MTMR12: variants seen among roughly 807,000 people sequenced by gnomAD.
MTMR12 encodes myotubularin related protein 12.
In MTMR12, 33 loss-of-function variants were observed where a neutral mutation model predicts 96.7. The observed-to-expected ratio is 0.34, with a 90% CI of 0.26 to 0.46. The LOEUF is 0.46. Among genes scored for constraint, MTMR12 ranks in the 20% least tolerant of loss-of-function variants. The probability of loss-of-function intolerance (pLI) is 1.00; values close to 1 mark genes in which losing one functional copy is unlikely to be tolerated. For missense variants in MTMR12, 721 were observed against 896.1 expected (o/e 0.80, Z 2.49); for synonymous variants, 298 against 327.2 (o/e 0.91, Z 0.96).
chr5:32,294,799 T>C (rs1348293911), intron 1 of MTMR12, among the ~76,000 whole-genome samples: 8 of 152,180 alleles, frequency 5.3e-5, no homozygotes, highest in African/African-American at 1.9e-4. Context: ...ATAGAGACAA[T>C]AATTCTTGAT....
At chr5:32,247,162 C>T (rs139799979) in intron 10 of MTMR12, among the ~76,000 whole-genome samples, 1,657 of 152,190 alleles carry the variant, frequency 0.011, 13 homozygotes, top group Middle Eastern at 0.024. Context: ...TCAGTCTGGG[C>T]AACATGATGG....
intron 1 of MTMR12, among the ~76,000 whole-genome samples, chr5:32,311,310 C>A (rs1751587444): frequency 6.6e-6 from 1 of 152,158 alleles, no homozygotes; most frequent in Admixed American, 6.5e-5. Flanking sequence ...TTAAGATGAC[C>A]CTGACTCCAC....
At chr5:32,289,696 C>T (rs1342105897) in intron 1 of MTMR12, among the ~76,000 whole-genome samples, 18 of 152,140 alleles carry the variant, frequency 1.2e-4, no homozygotes. Context: ...CCAGACTCAT[C>T]CTGTTATTTC....
At position 32,310,639 on chromosome 5, in the gene MTMR12, A is replaced by C. The variant is rs1214839352; in HGVS notation, c.81+2119T>G. On this transcript the variant is annotated intron_variant, in intron 1 of 15. Transcript: ENST00000382142. ...TGGAGACAGAATGATGGTTACCAAA[A>C]GCTGGGAAGGGTAGCAGGGGAAAGG... Among the ~76,000 whole-genome samples, 3 of 152,230 alleles carry C rather than the reference A, an allele frequency of 2.0e-5. No homozygotes were observed. The East Asian group carries it at 5.8e-4, about 29-fold the overall frequency.
chr5:32,258,052 A>C (rs773360781), intron 7 of MTMR12, among the ~76,000 whole-genome samples: 1 of 151,990 alleles, frequency 6.6e-6, no homozygotes, highest in Non-Finnish European at 1.5e-5. Flanking sequence ...GCTTGAGCCC[A>C]GGGGGTAGAG....
chr5:32,245,962 G>A (rs1748663220), intron 10 of MTMR12, among the ~76,000 whole-genome samples: 1 of 152,170 alleles, frequency 6.6e-6, no homozygotes, highest in Non-Finnish European at 1.5e-5. Context: ...TGCCCTGGCT[G>A]GACCACTTCC....
At chr5:32,275,404 C>G (rs1750011111) in intron 2 of MTMR12, among the ~76,000 whole-genome samples, 1 of 152,180 alleles carries the variant, frequency 6.6e-6, no homozygotes, top group Admixed American at 6.5e-5. Context: ...CCTCCCAATA[C>G]TTTTAATGGT....
chr5:32,268,634 C>A, intron 6 of MTMR12, 67 bp downstream of exon 6: 2 of 1,329,416 alleles, frequency 1.5e-6, no homozygotes, highest in Non-Finnish European at 2.2e-6. Context: ...TGTTCTCCCC[C>A]ACTGGCTTCA....
chr5:32,274,174 A>C (rs1187537323), intron 2 of MTMR12, 52 bp from the exon 3 acceptor site: 4 of 1,588,400 alleles, frequency 2.5e-6, no homozygotes, highest in Non-Finnish European at 2.6e-6. Context: ...AACATACGAT[A>C]TGCAAACACT....
At chr5:32,234,136 T>C (rs991699404) in intron 14 of MTMR12, among the ~76,000 whole-genome samples, 8 of 152,180 alleles carry the variant, frequency 5.3e-5, no homozygotes, top group African/African-American at 1.9e-4. Flanking sequence ...GGACACTTCC[T>C]TTCCAGCAGT....
At chr5:32,237,642 C>T (rs371992892) in intron 13 of MTMR12, among the ~76,000 whole-genome samples, 3 of 152,136 alleles carry the variant, frequency 2.0e-5, no homozygotes, top group African/African-American at 7.2e-5. Context: ...TCCCAAGTAG[C>T]TGGGACTACA....
intron 7 of MTMR12, among the ~76,000 whole-genome samples, chr5:32,257,261 A>T (rs1749176111): frequency 6.6e-6 from 1 of 152,200 alleles, no homozygotes; most frequent in South Asian, 2.1e-4. Context: ...TCAAGGCTGC[A>T]ATGAGCCATC....
At chr5:32,280,423 T>C (rs1750248673) in intron 1 of MTMR12, among the ~76,000 whole-genome samples, 1 of 152,208 alleles carries the variant, frequency 6.6e-6, no homozygotes, top group African/African-American at 2.4e-5. Context: ...AACACAGACA[T>C]TTCATTTCCT....
chr5:32,266,504 A>C (rs1214471052), intron 6 of MTMR12, among the ~76,000 whole-genome samples: 1 of 151,970 alleles, frequency 6.6e-6, no homozygotes, highest in Non-Finnish European at 1.5e-5. Flanking sequence ...CCTGGCCAAC[A>C]TAGTGAAACC....
intron 1 of MTMR12, among the ~76,000 whole-genome samples, chr5:32,311,614 C>G (rs748311056): frequency 9.2e-5 from 14 of 152,208 alleles, no homozygotes; most frequent in Non-Finnish European, 1.6e-4. Context: ...AGATGCAAAA[C>G]AAGAAGGCTT....
chr5:32,288,136 T>C (rs1322927052), intron 1 of MTMR12, among the ~76,000 whole-genome samples: 1 of 152,112 alleles, frequency 6.6e-6, no homozygotes, highest in African/African-American at 2.4e-5. Flanking sequence ...CCTCGCCAGG[T>C]GTCTTTTGTT....
chr5:32,311,961 T>TA (rs1406120689), intron 1 of MTMR12, among the ~76,000 whole-genome samples: 1 of 152,250 alleles, frequency 6.6e-6, no homozygotes, highest in Non-Finnish European at 1.5e-5. Context: ...TAATTATCTA[T>TA]AATTCACCCC....
At chr5:32,284,793 G>C (rs1750460373) in intron 1 of MTMR12, among the ~76,000 whole-genome samples, 1 of 152,176 alleles carries the variant, frequency 6.6e-6, no homozygotes, top group Non-Finnish European at 1.5e-5. Context: ...AAAAGGTATA[G>C]TTCTTTAATA....
chr5:32,312,784 A>G lies in MTMR12; in HGVS notation c.55T>C (p.Ser19Pro), dbSNP rs1228880514. The change falls in exon 1 of 16, where the codon TCC (serine) becomes CCC (proline). Residue 19 changes from serine to proline, a missense_variant. Coordinates refer to ENST00000382142, the MANE Select transcript of MTMR12 (RefSeq NM_001040446.3). This position sits in a 1 kb window ranked among gnomAD's most constrained non-coding sequence, Gnocchi z 5.0. ...TCAGGGCGTACGTACGACACGAAGG[A>G]GGGCTTGGGGGCCTTGGTGCCGCCG... The part of the protein sequence containing the change: ...GGGGTKAPKP[S>P]FVSYVRPEEI... The G allele has an allele frequency of 2.0e-6, 3 of 1,532,326 alleles. No homozygotes were observed. The highest frequency in any genetic ancestry group is 2.0e-5 in the Admixed American group (1 of 49,624). 94.9% of individuals were successfully genotyped at this position (1,532,326 alleles called of 1,614,324 possible). A position where few individuals can be genotyped will look rare whatever the true frequency, so the allele number is the denominator to read the frequency against.
Sources: allele counts gnomAD v4.1 joint callset (sites outside exome capture counted in the v4.1 genomes callset), GRCh38; gene constraint gnomAD v4.1.1; non-coding constraint Gnocchi (gnomAD v3.1); transcripts MANE v1.5; gene names NCBI Gene and HGNC (gene_info 2026-07-23, HGNC 2026-07-21).